The following TTC3 variants were observed in gnomAD, a reference collection of about 807,000 sequenced individuals.
The protein encoded by TTC3 is E3 ubiquitin-protein ligase TTC3.
Under a neutral mutation model 249.6 loss-of-function variants are expected in TTC3, and 180 were observed. That is an observed-to-expected ratio of 0.72 (90% confidence interval 0.64 to 0.82). TTC3 has a LOEUF of 0.82. TTC3 is among the 40% of genes least tolerant of loss of function. The probability of loss-of-function intolerance (pLI) is 0.00; values close to 1 mark genes in which losing one functional copy is unlikely to be tolerated. For missense variants in TTC3, 2,061 were observed against 2,398.4 expected, an observed-to-expected ratio of 0.86 and a Z score of 2.94; for synonymous variants, 717 against 805.0, an observed-to-expected ratio of 0.89 and a Z score of 1.85.
chr21:37,164,829 G>A (rs900834951), intron 32 of TTC3, among the ~76,000 whole-genome samples: 6 of 152,078 alleles, frequency 3.9e-5, no homozygotes, highest in Non-Finnish European at 8.8e-5. Flanking sequence ...ATAAATCAAG[G>A]GCTGAGGTCT....
chr21:37,151,661 T>A (rs2079479991), intron 25 of TTC3, among the ~76,000 whole-genome samples: 1 of 152,218 alleles, frequency 6.6e-6, no homozygotes, highest in Non-Finnish European at 1.5e-5. Context: ...GTGACATCTA[T>A]ACAATCTGTA....
At chr21:37,197,506 C>T in intron 42 of TTC3, 64 bp from the exon 43 acceptor site, 1 of 1,590,086 alleles carries the variant, frequency 6.3e-7, no homozygotes, top group Non-Finnish European at 8.6e-7. Flanking sequence ...TTAATATTGG[C>T]ATGTAATATT....
chr21:37,108,564 A>C, intron 11 of TTC3, 118 bp downstream of exon 11: 2 of 956,878 alleles, frequency 2.1e-6, no homozygotes, highest in Non-Finnish European at 1.5e-6. Flanking sequence ...GAGCTCCAGA[A>C]TGTGAAAGGG....
intron 1 of TTC3, among the ~76,000 whole-genome samples, chr21:37,074,160 A>G (rs1256386667): frequency 5.8e-5 from 8 of 137,104 alleles, no homozygotes; most frequent in South Asian, 2.2e-4. Context: ...GAACGGACCC[A>G]GGAGGGGGGT....
intron 10 of TTC3, among the ~76,000 whole-genome samples, chr21:37,097,591 A>G (rs556170856): frequency 3.7e-4 from 57 of 152,360 alleles, no homozygotes; most frequent in African/African-American, 1.3e-3. Context: ...TTGTCCATAA[A>G]GAAACAGGAC....
In TTC3 at chr21:37,116,710, G is replaced by A. The variant is rs1200804173; in HGVS notation, c.901-5107G>A. On this transcript the variant is annotated intron_variant, in intron 11 of 45. Coordinates refer to ENST00000355666, the Ensembl canonical transcript of TTC3. ...CCTGTCTAGCTACTCAGGAGTCTGA[G>A]GCAGGAGAATCACTTGAACCCAGGA... Among the ~76,000 whole-genome samples, 3 of 152,038 alleles carry A rather than the reference G, an allele frequency of 2.0e-5. No individual in the cohort carries two copies. In the East Asian group the frequency reaches 5.8e-4, roughly 29 times the overall value.
At chr21:37,109,690 G>C (rs1237428198) in intron 11 of TTC3, among the ~76,000 whole-genome samples, 1 of 152,228 alleles carries the variant, frequency 6.6e-6, no homozygotes, top group African/African-American at 2.4e-5. Flanking sequence ...AAATGTCCCT[G>C]TCTGACAGCT....
At chr21:37,157,197 C>A in intron 28 of TTC3, 1 of 1,348,640 alleles carries the variant, frequency 7.4e-7, no homozygotes, top group South Asian at 1.2e-5. Context: ...TTGCATGTTA[C>A]ACTGACAGAA....
chr21:37,132,624 T>G, intron 16 of TTC3, 58 bp from the exon 17 acceptor site: 1 of 1,410,704 alleles, frequency 7.1e-7, no homozygotes, highest in South Asian at 1.3e-5. Flanking sequence ...TATTTTTTCT[T>G]TATATGAGTA....
chr21:37,118,131 TA>T (rs201484872), intron 11 of TTC3, among the ~76,000 whole-genome samples: 16 of 141,926 alleles, frequency 1.1e-4, no homozygotes, highest in East Asian at 8.2e-4. Context: ...CTTTTTTTTT[TA>T]AAACCAGAAA....
chr21:37,196,601 G>T (rs2084940629), intron 42 of TTC3, among the ~76,000 whole-genome samples: 1 of 152,136 alleles, frequency 6.6e-6, no homozygotes, highest in Admixed American at 6.5e-5. Context: ...ATATTCATCA[G>T]AACCCATGAC....
intron 21 of TTC3, among the ~76,000 whole-genome samples, chr21:37,144,928 T>C (rs1466317054): frequency 6.6e-6 from 1 of 152,062 alleles, no homozygotes; most frequent in Non-Finnish European, 1.5e-5. Context: ...TTTAGAGAGG[T>C]GAAATGATGC....
chr21:37,182,707 C>T (rs2082870681), intron 35 of TTC3, 67 bp from the exon 36 acceptor site: 1 of 1,418,826 alleles, frequency 7.0e-7, no homozygotes, highest in South Asian at 1.4e-5. Flanking sequence ...ACAATTCTAG[C>T]CTTTCAGTCT....
chr21:37,194,850 G>C (rs2084680366), intron 41 of TTC3: 1 of 152,264 alleles, frequency 6.6e-6, no homozygotes, highest in South Asian at 2.1e-4. Context: ...GGGCTTGAGT[G>C]ATTTCCATTT....
intron 27 of TTC3, among the ~76,000 whole-genome samples, chr21:37,155,889 A>G (rs529790318): frequency 6.6e-6 from 1 of 152,200 alleles, no homozygotes; most frequent in Non-Finnish European, 1.5e-5. Context: ...GAATGGGTTT[A>G]CCCATTTCCT....
intron 1 of TTC3, among the ~76,000 whole-genome samples, chr21:37,078,085 C>A (rs139921683): frequency 6.6e-6 from 1 of 151,754 alleles, no homozygotes; most frequent in African/African-American, 2.4e-5. Context: ...ATCCCTGTAC[C>A]ATGTATTGAA....
exon 29 of TTC3, chr21:37,159,706 C>T (rs2080497874): frequency 3.1e-6 from 5 of 1,613,624 alleles, no homozygotes; most frequent in Non-Finnish European, 4.2e-6. Flanking sequence ...CAGACAGCCG[C>T]TGTACTGTGT....
At chr21:37,148,128 A>G (rs1022446609) in intron 22 of TTC3, among the ~76,000 whole-genome samples, 2 of 152,182 alleles carry the variant, frequency 1.3e-5, no homozygotes, top group Non-Finnish European at 2.9e-5. Context: ...AGGCTGGCTC[A>G]TTCTTTTTCC....
chr21:37,165,568 G>A, exon 33 of TTC3: 5 of 1,588,522 alleles, frequency 3.1e-6, no homozygotes, highest in Non-Finnish European at 4.3e-6. Flanking sequence ...CTCAGTTTTT[G>A]GAGGAACATG....
Sources: gnomAD v4.1 joint callset for allele counts (sites outside exome capture counted in the v4.1 genomes callset) on GRCh38, gnomAD v4.1.1 for gene constraint, MANE v1.5 for transcripts, NCBI Gene and HGNC (gene_info 2026-07-23, HGNC 2026-07-21) for gene names.